KCNQ5: variants seen among roughly 807,000 people sequenced by gnomAD.
The protein encoded by KCNQ5 is potassium voltage-gated channel subfamily KQT member 5.
KCNQ5 carries 30 observed loss-of-function variants against 98.2 expected under a neutral mutation model. The ratio of observed to expected loss-of-function variants is 0.31; its 90% CI spans 0.23 to 0.41. The LOEUF (loss-of-function observed/expected upper bound fraction) is 0.41. Among genes scored for constraint, KCNQ5 ranks in the 10% least tolerant of loss-of-function variants. KCNQ5 has a pLI of 1.00. For missense variants in KCNQ5, 835 were observed against 1,182.5 expected, an observed-to-expected ratio of 0.71 and a Z score of 4.31; for synonymous variants, 458 against 449.4, an observed-to-expected ratio of 1.02 and a Z score of -0.24.
chr6:72,980,759 A>G (rs1449257565), intron 1 of KCNQ5, among the ~76,000 whole-genome samples: 1 of 152,198 alleles, frequency 6.6e-6, no homozygotes, highest in African/African-American at 2.4e-5. Flanking sequence ...GCCAGTTTTC[A>G]AAGGAAATGC....
intron 1 of KCNQ5, among the ~76,000 whole-genome samples, chr6:72,862,926 C>T (rs1489372382): frequency 6.6e-6 from 1 of 152,182 alleles, no homozygotes; most frequent in East Asian, 1.9e-4. Context: ...CTGCACCGGG[C>T]CACCAATGTC....
chr6:72,881,309 A>G (rs1178043234), intron 1 of KCNQ5, among the ~76,000 whole-genome samples: 2 of 152,226 alleles, frequency 1.3e-5, no homozygotes, highest in Non-Finnish European at 2.9e-5. Context: ...ACCATCAACT[A>G]GTTCTTTAGC....
intron 1 of KCNQ5, among the ~76,000 whole-genome samples, chr6:72,763,250 T>G (rs1772379344): frequency 6.6e-6 from 1 of 152,050 alleles, no homozygotes; most frequent in South Asian, 2.1e-4. Flanking sequence ...ACATTAATTA[T>G]TTTTTAAACA....
rs74615660 is a variant in KCNQ5 at position 72,948,618 on chromosome 6, T to C, written c.399-55290T>C. ...TATACTTAAACCTATACCCAAGTAATGTATGTTTTATATTTTCAAAAAAAT... is the reference window on the plus strand; with the variant it reads ...TATACTTAAACCTATACCCAAGTAACGTATGTTTTATATTTTCAAAAAAAT... On this transcript the variant is annotated intron_variant, in intron 1 of 13. Coordinates refer to ENST00000370398, the MANE Select transcript of KCNQ5 (RefSeq NM_019842.4). Among the ~76,000 whole-genome samples the C allele has an allele frequency of 3.2e-3, 486 of 152,246 alleles. 12 individuals carry two copies. Among genetic ancestry groups the C allele is most frequent in the East Asian group, 0.03 (155 of 5,184 alleles).
chr6:73,096,781 T>C (rs1774520160), intron 5 of KCNQ5, among the ~76,000 whole-genome samples: 1 of 152,180 alleles, frequency 6.6e-6, no homozygotes, highest in Non-Finnish European at 1.5e-5. Context: ...AGTGACTCAC[T>C]CCTATAATCC....
chr6:72,981,082 C>T (rs1478311589), intron 1 of KCNQ5, among the ~76,000 whole-genome samples: 3 of 151,986 alleles, frequency 2.0e-5, no homozygotes, highest in African/African-American at 7.3e-5. Flanking sequence ...TGAGGATTTT[C>T]TCATCGATAT....
chr6:73,070,494 T>C (rs1022252960), intron 3 of KCNQ5, among the ~76,000 whole-genome samples: 1 of 152,194 alleles, frequency 6.6e-6, no homozygotes, highest in African/African-American at 2.4e-5. Flanking sequence ...CTAAATAAAA[T>C]AGAAGTTTAT....
chr6:72,943,047 G>A (rs1388893484), intron 1 of KCNQ5, among the ~76,000 whole-genome samples: 2 of 152,020 alleles, frequency 1.3e-5, no homozygotes, highest in African/African-American at 2.4e-5. Context: ...GCAACTAAAG[G>A]CAATTCAACA....
rs1049687889 is a variant in KCNQ5, at chr6:72,622,231, C to T, written c.42C>T (p.Ala14=). 1.6e-6 allele frequency: 2 copies of T among 1,237,698 alleles called. No individual in the cohort carries two copies. The highest frequency in any genetic ancestry group is 4.3e-5 in the Admixed American group (1 of 23,508). The allele number at this position is 1,237,698 out of a possible 1,614,324, so 76.7% of individuals were successfully genotyped here. A position where few individuals can be genotyped will look rare whatever the true frequency, so the allele number is the denominator to read the frequency against. The stretch of plus-strand genomic sequence containing the variant: ...CGGGAGGAGAGGAGGGCGGCGCCGC[C>T]GGGCTCTGGGTGAAGAGCGGCGCAG... ...HHAGGEEGGA[A]GLWVKSGAAA... Residue 14 remains alanine, a synonymous_variant, in exon 1 of 14, where the codon GCC becomes GCT. Coordinates refer to ENST00000370398, the MANE Select transcript of KCNQ5 (RefSeq NM_019842.4). This position sits in a 1 kb window ranked among gnomAD's most constrained non-coding sequence, Gnocchi z 6.0.
chr6:72,873,053 A>T (rs148786126), intron 1 of KCNQ5, among the ~76,000 whole-genome samples: 189 of 152,182 alleles, frequency 1.2e-3, no homozygotes, highest in Non-Finnish European at 1.9e-3. Flanking sequence ...CATTTTATAC[A>T]CTTAGAGAAT....
chr6:72,669,793 G>T (rs1266872997), intron 1 of KCNQ5, among the ~76,000 whole-genome samples: 2 of 152,020 alleles, frequency 1.3e-5, no homozygotes, highest in Non-Finnish European at 1.5e-5. Flanking sequence ...ACTCCTGGCT[G>T]TGCTGAGATG....
chr6:72,870,571 C>G (rs1215109455), intron 1 of KCNQ5, among the ~76,000 whole-genome samples: 1 of 152,102 alleles, frequency 6.6e-6, no homozygotes, highest in African/African-American at 2.4e-5. Context: ...TTTTATGTCT[C>G]TTCCATACTG....
At chr6:72,716,374 G>T (rs2154475195) in intron 1 of KCNQ5, among the ~76,000 whole-genome samples, 1 of 152,318 alleles carries the variant, frequency 6.6e-6, no homozygotes, top group Admixed American at 6.5e-5. Context: ...CCTTATAAAT[G>T]AATTACCATA....
chr6:73,075,442 C>T (rs1316567367), intron 3 of KCNQ5, among the ~76,000 whole-genome samples: 1 of 152,064 alleles, frequency 6.6e-6, no homozygotes, highest in African/African-American at 2.4e-5. Context: ...AGGATGGTCT[C>T]GATCTCCTGA....
intron 1 of KCNQ5, among the ~76,000 whole-genome samples, chr6:72,905,714 TG>T (rs1779671489): frequency 6.6e-6 from 1 of 152,174 alleles, no homozygotes; most frequent in African/African-American, 2.4e-5. Flanking sequence ...AGGCTAGTAC[TG>T]TGGGTTGTCT....
chr6:73,169,402 C>G (rs1777923034), intron 10 of KCNQ5, among the ~76,000 whole-genome samples: 1 of 152,206 alleles, frequency 6.6e-6, no homozygotes, highest in African/African-American at 2.4e-5. Flanking sequence ...TTCTGTAACT[C>G]CAGACAGCTG....
intron 12 of KCNQ5, among the ~76,000 whole-genome samples, chr6:73,191,436 A>T (rs1422199046): frequency 1.3e-5 from 2 of 152,172 alleles, no homozygotes; most frequent in East Asian, 3.8e-4. Flanking sequence ...TTCCAACCAC[A>T]TATGGTTGAT....
intron 1 of KCNQ5, among the ~76,000 whole-genome samples, chr6:72,922,896 C>T (rs1780472156): frequency 6.9e-6 from 1 of 145,552 alleles, no homozygotes. Context: ...ACTGCAACCT[C>T]AGCCTCCTGG....
chr6:72,656,399 G>A (rs1404425898), intron 1 of KCNQ5, among the ~76,000 whole-genome samples: 5 of 152,164 alleles, frequency 3.3e-5, no homozygotes, highest in Non-Finnish European at 5.9e-5. Context: ...TCCATCAGGA[G>A]CAATTGGTAT....
Sources: allele counts gnomAD v4.1 joint callset (sites outside exome capture counted in the v4.1 genomes callset), GRCh38; gene constraint gnomAD v4.1.1; non-coding constraint Gnocchi (gnomAD v3.1); transcripts MANE v1.5; gene names NCBI Gene and HGNC (gene_info 2026-07-23, HGNC 2026-07-21).